Variants in PDIA6 observed in about 807,000 individuals in gnomAD.
PDIA6 encodes the protein protein disulfide-isomerase A6.
In PDIA6, 29 loss-of-function variants were observed where a neutral mutation model predicts 58.4. That is an observed-to-expected ratio of 0.50 (90% confidence interval 0.37 to 0.68). The LOEUF (loss-of-function observed/expected upper bound fraction) is 0.68. Ranked by LOEUF, PDIA6 falls within the 30% of genes least tolerant of loss-of-function variation. PDIA6 has a pLI of 0.00. For missense variants in PDIA6, 480 were observed against 551.0 expected, an observed-to-expected ratio of 0.87 and a Z score of 1.29; for synonymous variants, 192 against 202.6, an observed-to-expected ratio of 0.95 and a Z score of 0.44.
chr2:10,832,805 C>T (rs1246598985), upstream of PDIA6, among the ~76,000 whole-genome samples: 1 of 152,136 alleles, frequency 6.6e-6, no homozygotes, highest in Non-Finnish European at 1.5e-5. Flanking sequence ...GGCTTGGAGG[C>T]CAGGCTGTGG....
At chr2:10,794,462 ATCTTT>A (rs1558443368) in intron 4 of PDIA6, among the ~76,000 whole-genome samples, 1 of 41,904 alleles carries the variant, frequency 2.4e-5, no homozygotes, top group Non-Finnish European at 7.5e-5. Flanking sequence ...AAAAAAAAAA[ATCTTT>A]CTTTTTTTTT....
chr2:10,787,783 G>A (rs1475778212), intron 10 of PDIA6, among the ~76,000 whole-genome samples: 2 of 152,146 alleles, frequency 1.3e-5, no homozygotes, highest in African/African-American at 4.8e-5. Flanking sequence ...ATAGGAAGGA[G>A]GCTGGGCACG....
chr2:10,792,305 A>G (rs1365041097), intron 5 of PDIA6, among the ~76,000 whole-genome samples: 1 of 152,224 alleles, frequency 6.6e-6, no homozygotes, highest in Admixed American at 6.5e-5. Context: ...TCATAGACAA[A>G]GTCCCTACCA....
intron 1 of PDIA6, chr2:10,810,265 A>C: frequency 1.3e-6 from 2 of 1,524,694 alleles, no homozygotes; most frequent in Non-Finnish European, 1.8e-6. Flanking sequence ...AATTAGATAG[A>C]CCCAAATTTC....
upstream of PDIA6, among the ~76,000 whole-genome samples, chr2:10,836,278 G>A (rs1027951465): frequency 6.6e-6 from 1 of 152,186 alleles, no homozygotes; most frequent in Non-Finnish European, 1.5e-5. Flanking sequence ...TCCTACGATG[G>A]CCTGCTGCAG....
chr2:10,802,407 T>C (rs1666550047), intron 2 of PDIA6, 92 bp downstream of exon 2: 1 of 751,336 alleles, frequency 1.3e-6, no homozygotes, highest in Non-Finnish European at 2.0e-6. Context: ...TAAGCTAAAC[T>C]AGATGTCTTA....
chr2:10,816,545 T>C (rs865926076), upstream of PDIA6, among the ~76,000 whole-genome samples: 2 of 150,048 alleles, frequency 1.3e-5, no homozygotes, highest in African/African-American at 5.0e-5. Flanking sequence ...TTTTTTGGCA[T>C]TGACACTTTG....
intron 1 of PDIA6, among the ~76,000 whole-genome samples, chr2:10,804,370 A>T (rs60385368): frequency 8.9e-6 from 1 of 112,944 alleles, no homozygotes; most frequent in Non-Finnish European, 2.1e-5. Flanking sequence ...GAAGGGATCC[A>T]GTTTCAGCTT....
chr2:10,834,732 CTCCTTCCTTCCTTCCTTCCT>C (rs869156704), upstream of PDIA6, among the ~76,000 whole-genome samples: 2 of 36,414 alleles, frequency 5.5e-5, no homozygotes, highest in African/African-American at 1.9e-4. Flanking sequence ...CCTTCCTTCC[CTCCTTCCTTCCTTCCTTCCT>C]TCCTTCCTTC....
intron 4 of PDIA6, among the ~76,000 whole-genome samples, chr2:10,796,080 G>C (rs1273348333): frequency 1.2e-5 from 1 of 86,484 alleles, no homozygotes; most frequent in Non-Finnish European, 2.1e-5. Context: ...TTTTTTTTTT[G>C]AGACGGAGTC....
At chr2:10,802,142 G>A (rs887080977) in intron 2 of PDIA6, among the ~76,000 whole-genome samples, 2 of 152,196 alleles carry the variant, frequency 1.3e-5, no homozygotes, top group African/African-American at 4.8e-5. Context: ...TTCCAGCATT[G>A]AATGTAAGGT....
At chr2:10,789,700 C>A (rs371955941) in intron 8 of PDIA6, 49 bp downstream of exon 8, 102 of 1,564,378 alleles carry the variant, frequency 6.5e-5, no homozygotes, top group Middle Eastern at 5.0e-4. Flanking sequence ...ACATTCCTCA[C>A]CATCAGCTAA....
intron 1 of PDIA6, among the ~76,000 whole-genome samples, chr2:10,831,297 G>A (rs979952274): frequency 2.6e-5 from 4 of 152,186 alleles, no homozygotes; most frequent in African/African-American, 9.7e-5. Flanking sequence ...TGTAGTCTAC[G>A]GCACTCTCTT....
At chr2:10,807,777 C>T (rs958226637) in intron 1 of PDIA6, among the ~76,000 whole-genome samples, 3 of 152,156 alleles carry the variant, frequency 2.0e-5, no homozygotes, top group Non-Finnish European at 2.9e-5. Context: ...ACTGCTAAAT[C>T]CTCCATCATA....
chr2:10,798,672 A>G (rs1399515168), intron 2 of PDIA6, among the ~76,000 whole-genome samples: 1 of 151,956 alleles, frequency 6.6e-6, no homozygotes, highest in African/African-American at 2.4e-5. Context: ...TTTAGAATCT[A>G]TCTGGTCCAA....
chr2:10,784,188 T>G lies in PDIA6; in HGVS notation c.*70A>C. The G allele has an allele frequency of 1.7e-6, 2 of 1,168,032 alleles. No homozygotes were observed. Among genetic ancestry groups the G allele is most frequent in the Non-Finnish European group, 2.5e-6 (2 of 802,728 alleles). The allele number at this position is 1,168,032 out of a possible 1,614,324, so 72.4% of individuals were successfully genotyped here. The stretch of plus-strand genomic sequence containing the variant: ...TAGAGTCATCTGAGTGTAGAGAATG[T>G]CCCTTCACTGCTGGAAAAATCCACT... On this transcript the variant is annotated 3_prime_UTR_variant, in exon 13 of 13. Transcript: ENST00000272227.
At chr2:10,790,448 C>T (rs1460396571) in intron 7 of PDIA6, among the ~76,000 whole-genome samples, 1 of 152,192 alleles carries the variant, frequency 6.6e-6, no homozygotes, top group Non-Finnish European at 1.5e-5. Context: ...AATGGACCAA[C>T]TCACAACAGC....
chr2:10,796,155 G>T (rs1046716889), intron 4 of PDIA6, among the ~76,000 whole-genome samples: 2 of 150,204 alleles, frequency 1.3e-5, no homozygotes, highest in Non-Finnish European at 2.9e-5. Context: ...CCGGGTTCAC[G>T]CCATTCTCCT....
At chr2:10,796,476 G>A (rs1666272824) in intron 4 of PDIA6, among the ~76,000 whole-genome samples, 1 of 150,326 alleles carries the variant, frequency 6.7e-6, no homozygotes, top group Non-Finnish European at 1.5e-5. Flanking sequence ...TCCAGGCTGG[G>A]CAACACAGCA....
Sources: allele counts gnomAD v4.1 joint callset (sites outside exome capture counted in the v4.1 genomes callset), GRCh38; gene constraint gnomAD v4.1.1; transcripts MANE v1.5; gene names NCBI Gene and HGNC (gene_info 2026-07-23, HGNC 2026-07-21).